Variants in RALYL observed in about 807,000 individuals in gnomAD.
RALYL encodes the protein RNA-binding Raly-like protein.
In RALYL, 29 loss-of-function variants were observed where a neutral mutation model predicts 35.1. The ratio of observed to expected loss-of-function variants is 0.83; its 90% confidence interval spans 0.61 to 1.13. RALYL has a LOEUF of 1.13. RALYL is among the 50% of genes most tolerant of loss of function. RALYL has a pLI of 0.00. For synonymous variants in RALYL, 120 were observed against 127.6 expected, an observed-to-expected ratio of 0.94 and a Z score of 0.40; for missense variants, 359 against 360.4, an observed-to-expected ratio of 1.00 and a Z score of 0.03.
chr8:84,627,285 A>G (rs73296160), intron 2 of RALYL, among the ~76,000 whole-genome samples: 3,144 of 150,910 alleles, frequency 0.021, 126 homozygotes, highest in African/African-American at 0.073. Context: ...CTCTTAGACC[A>G]TGATAATTTT....
chr8:84,561,635 G>A (rs548586142), intron 2 of RALYL, among the ~76,000 whole-genome samples: 1 of 151,860 alleles, frequency 6.6e-6, no homozygotes, highest in South Asian at 2.1e-4. Flanking sequence ...TGCACTTTGG[G>A]GCCATTATTC....
At chr8:84,706,175 T>G in intron 2 of RALYL, 2 of 984,610 alleles carry the variant, frequency 2.0e-6, no homozygotes, top group Non-Finnish European at 3.0e-6. Context: ...GAAAAGATAC[T>G]GTAGCTTTTC....
intron 4 of RALYL, among the ~76,000 whole-genome samples, chr8:84,847,494 A>G (rs1021963883): frequency 3.0e-4 from 45 of 151,906 alleles, no homozygotes; most frequent in African/African-American, 1.1e-3. Context: ...TCTCTTGGTG[A>G]GACAGGCACT....
intron 1 of RALYL, among the ~76,000 whole-genome samples, chr8:84,429,241 G>A (rs941787450): frequency 7.9e-5 from 12 of 152,154 alleles, no homozygotes; most frequent in Non-Finnish European, 1.5e-4. Flanking sequence ...TTAAATCATT[G>A]AAAAGGAAAT....
chr8:84,656,082 A>G (rs1360625658), intron 2 of RALYL, among the ~76,000 whole-genome samples: 1 of 152,218 alleles, frequency 6.6e-6, no homozygotes, highest in East Asian at 1.9e-4. Context: ...AGGTAAGTTC[A>G]TAATCAAAGT....
At chr8:84,578,328 A>T (rs1485871675) in intron 2 of RALYL, among the ~76,000 whole-genome samples, 1 of 152,244 alleles carries the variant, frequency 6.6e-6, no homozygotes, top group Non-Finnish European at 1.5e-5. Flanking sequence ...CTGCAACCAC[A>T]GAGCTCCAAA....
intron 1 of RALYL, among the ~76,000 whole-genome samples, chr8:84,525,424 C>A (rs1379068540): frequency 6.6e-6 from 1 of 151,638 alleles, no homozygotes. Context: ...TTCTTTTTAT[C>A]ACTTGTTTTT....
At chr8:84,776,659 CT>C (rs35977642) in intron 3 of RALYL, among the ~76,000 whole-genome samples, 17 of 151,830 alleles carry the variant, frequency 1.1e-4, no homozygotes, top group African/African-American at 2.7e-4. Flanking sequence ...CTGCCAATGG[CT>C]TTTTTTTATC....
chr8:84,904,803 C>CA, intron 8 of RALYL, among the ~76,000 whole-genome samples: 1 of 151,420 alleles, frequency 6.6e-6, no homozygotes, highest in East Asian at 1.9e-4. Context: ...TTTAACCACA[C>CA]TTTTTTTTTA....
intron 1 of RALYL, among the ~76,000 whole-genome samples, chr8:84,517,740 T>C (rs941223051): frequency 2.3e-4 from 35 of 152,146 alleles, no homozygotes; most frequent in African/African-American, 8.2e-4. Flanking sequence ...AGAAAAATAG[T>C]CTAGGGCATG....
At chr8:84,315,473 A>C (rs543090236) in intron 1 of RALYL, among the ~76,000 whole-genome samples, 87 of 152,288 alleles carry the variant, frequency 5.7e-4, no homozygotes, top group African/African-American at 2.0e-3. Flanking sequence ...ACTGATAACA[A>C]TTTGCAACTT....
At chr8:84,811,706 A>G (rs1374056207) in intron 4 of RALYL, among the ~76,000 whole-genome samples, 1 of 152,004 alleles carries the variant, frequency 6.6e-6, no homozygotes, top group East Asian at 1.9e-4. Context: ...GGCTTTGTTC[A>G]TATTTTCTTA....
At chr8:84,858,687 C>A (rs111763481) in intron 5 of RALYL, among the ~76,000 whole-genome samples, 194 of 152,188 alleles carry the variant, frequency 1.3e-3, no homozygotes, top group African/African-American at 4.5e-3. Flanking sequence ...TACTGTAGGC[C>A]GAATTCTGAT....
chr8:84,559,703 G>A (rs2061356274), intron 2 of RALYL, among the ~76,000 whole-genome samples: 1 of 152,012 alleles, frequency 6.6e-6, no homozygotes, highest in Non-Finnish European at 1.5e-5. Context: ...TTATGTTAAT[G>A]AAAGTGATAA....
At chr8:84,539,870 ATATATATG>A (rs2059895969) in intron 2 of RALYL, among the ~76,000 whole-genome samples, 2 of 6,470 alleles carry the variant, frequency 3.1e-4, no homozygotes, top group African/African-American at 8.6e-4. Context: ...ATATATATAT[ATATATATG>A]TATATATATG....
intron 2 of RALYL, among the ~76,000 whole-genome samples, chr8:84,619,375 G>A: frequency 6.6e-6 from 1 of 150,420 alleles, no homozygotes. Context: ...TTTGATTTTT[G>A]TTGGTTTAAA....
At chr8:84,555,087 T>G (rs557090737) in intron 2 of RALYL, among the ~76,000 whole-genome samples, 2 of 152,244 alleles carry the variant, frequency 1.3e-5, no homozygotes, top group South Asian at 2.1e-4. Context: ...AAGACCAGCC[T>G]GACCAACATG....
intron 1 of RALYL, among the ~76,000 whole-genome samples, chr8:84,421,930 T>C (rs1388090921): frequency 1.3e-5 from 2 of 151,624 alleles, no homozygotes; most frequent in Admixed American, 6.6e-5. Context: ...CTTTTTGATG[T>C]GCTGCTGGAT....
At chr8:84,397,254 T>C (rs996683538) in intron 1 of RALYL, among the ~76,000 whole-genome samples, 4 of 152,166 alleles carry the variant, frequency 2.6e-5, no homozygotes, top group Admixed American at 6.6e-5. Flanking sequence ...TTAATTTTAG[T>C]CCTGTAAGAC....
Sources: gnomAD v4.1 joint callset for allele counts (sites outside exome capture counted in the v4.1 genomes callset) on GRCh38, gnomAD v4.1.1 for gene constraint, MANE v1.5 for transcripts, NCBI Gene and HGNC (gene_info 2026-07-23, HGNC 2026-07-21) for gene names.